The following NFASC variants were observed in gnomAD, a reference collection of about 807,000 sequenced individuals.
NFASC encodes neurofascin, also known as neurofascin homolog.
In NFASC, 43 loss-of-function variants were observed where a neutral mutation model predicts 147.5. That is an observed-to-expected ratio of 0.29 (90% CI 0.23 to 0.38). The LOEUF is 0.38. Among genes scored for constraint, NFASC ranks in the 10% least tolerant of loss-of-function variants. NFASC has a pLI of 1.00. For synonymous variants in NFASC, 622 were observed against 665.5 expected (o/e 0.93, Z 1.01); for missense variants, 1,320 against 1,689.0 (o/e 0.78, Z 3.83).
intron 29 of NFASC, among the ~76,000 whole-genome samples, chr1:205,014,154 A>T (rs2096301724): frequency 1.3e-5 from 2 of 152,166 alleles, no homozygotes; most frequent in Admixed American, 1.3e-4. Flanking sequence ...GGCAGCCTGT[A>T]CTGCGAGGAG....
At chr1:204,834,019 T>C (rs961264039) in intron 1 of NFASC, among the ~76,000 whole-genome samples, 42 of 152,326 alleles carry the variant, frequency 2.8e-4, no homozygotes, top group African/African-American at 1.0e-3. Context: ...GGAATGGAAC[T>C]GAGCCTCGAA....
At chr1:204,974,101 A>T in intron 12 of NFASC, 78 bp from the exon 13 acceptor site, 1 of 1,143,506 alleles carries the variant, frequency 8.7e-7, no homozygotes, top group Non-Finnish European at 1.3e-6. Context: ...AGCAGAAGGC[A>T]TGCAGAGGTG....
rs564501291 is a variant in NFASC, at chr1:204,979,583, G to A, written c.2176+24G>A. ...ACGTGAGTACCCGAGGGCTGCCAGA[G>A]AAGGCTCCGGAACCCCGCACCCCAA... is the stretch of plus-strand genomic sequence containing the variant. On this transcript the variant is annotated intron_variant, in intron 19 of 29. Coordinates refer to ENST00000339876, the MANE Select transcript of NFASC (RefSeq NM_001005388.3). The surrounding 1 kb of genome is among the most constrained non-coding windows in gnomAD (Gnocchi z 6.0). The A allele has an allele frequency of 1.2e-4, 192 of 1,607,286 alleles. No individual in the cohort carries two copies. The highest frequency in any genetic ancestry group is 1.6e-4 in the Non-Finnish European group (190 of 1,174,682).
At chr1:204,941,673 ATTC>A (rs2093371129) in intron 2 of NFASC, among the ~76,000 whole-genome samples, 1 of 152,138 alleles carries the variant, frequency 6.6e-6, no homozygotes. Context: ...GCATTAGTGG[ATTC>A]TTTCTGCGAC....
chr1:204,988,110 G>C (rs895290645), intron 22 of NFASC, among the ~76,000 whole-genome samples: 1 of 152,220 alleles, frequency 6.6e-6, no homozygotes, highest in Non-Finnish European at 1.5e-5. Context: ...AGTAGGTAAC[G>C]TACCTCGTTA....
At chr1:204,927,123 G>A (rs1410780965) in intron 2 of NFASC, among the ~76,000 whole-genome samples, 2 of 152,102 alleles carry the variant, frequency 1.3e-5, no homozygotes, top group Non-Finnish European at 2.9e-5. Flanking sequence ...ATACAATTCA[G>A]TGATTTTTAG....
At chr1:204,977,781 T>C in intron 17 of NFASC, 56 bp downstream of exon 17, 2 of 1,540,150 alleles carry the variant, frequency 1.3e-6, no homozygotes, top group South Asian at 2.3e-5. Context: ...ACCCAGGGTG[T>C]GGAGTCTGGG....
intron 1 of NFASC, among the ~76,000 whole-genome samples, chr1:204,844,616 C>T (rs1304505298): frequency 1.3e-5 from 2 of 152,174 alleles, no homozygotes; most frequent in African/African-American, 2.4e-5. Flanking sequence ...CGCGGTGGCT[C>T]ATGCCTGTAA....
intron 27 of NFASC, among the ~76,000 whole-genome samples, chr1:205,004,121 A>C (rs902348451): frequency 6.6e-6 from 1 of 152,204 alleles, no homozygotes; most frequent in Non-Finnish European, 1.5e-5. Context: ...TGTGCATTTG[A>C]TTTTGCTTCA....
intron 3 of NFASC, chr1:204,945,075 A>G (rs1485669812): frequency 1.3e-5 from 2 of 150,712 alleles, no homozygotes; most frequent in African/African-American, 4.8e-5. Context: ...TTATTTGACC[A>G]TCAGAATCAT....
In NFASC at chr1:205,022,797, G is replaced by A. The variant is rs878858755; in HGVS notation, c.*6258G>A. 1 of 152,576 alleles carries A rather than the reference G, an allele frequency of 6.6e-6. No individual in the cohort carries two copies. The highest frequency in any genetic ancestry group is 1.5e-5 in the Non-Finnish European group (1 of 68,026). 9.5% of individuals were successfully genotyped at this position (152,576 alleles called of 1,614,324 possible). On this transcript the variant is annotated 3_prime_UTR_variant, in exon 30 of 30. Coordinates refer to ENST00000339876, the MANE Select transcript of NFASC (RefSeq NM_001005388.3). Reference sequence around the variant, plus strand: ...TTCTTTTGTATAGAGAACACTAAACGTATAATAAAAGTTGTTCAAAATGGA... The same window carrying A: ...TTCTTTTGTATAGAGAACACTAAACATATAATAAAAGTTGTTCAAAATGGA...
At chr1:204,926,990 G>A (rs926145883) in intron 2 of NFASC, among the ~76,000 whole-genome samples, 4 of 152,072 alleles carry the variant, frequency 2.6e-5, no homozygotes, top group Non-Finnish European at 4.4e-5. Flanking sequence ...CAGGAGAATC[G>A]CTTGAACCCT....
chr1:205,016,263 G>T lies in NFASC; in HGVS notation c.3492-45G>T. 7.2e-7 allele frequency: 1 copy of T among 1,381,134 alleles called. No homozygotes were observed. Among genetic ancestry groups the T allele is most frequent in the Non-Finnish European group, 1.0e-6 (1 of 968,990 alleles). The allele number at this position is 1,381,134 out of a possible 1,614,324, so 85.6% of individuals were successfully genotyped here. ...GGCATGTGCTGGCAGGAGGCCAGCT[G>T]CCCCATCTCACCCCACCTGAGATTC... On this transcript the variant is annotated intron_variant, in intron 29 of 29. Coordinates refer to ENST00000339876, the MANE Select transcript of NFASC (RefSeq NM_001005388.3). The surrounding 1 kb of genome is among the most constrained non-coding windows in gnomAD (Gnocchi z 5.1).
chr1:204,868,904 C>T (rs1035207607), intron 1 of NFASC, among the ~76,000 whole-genome samples: 7 of 152,214 alleles, frequency 4.6e-5, no homozygotes, highest in African/African-American at 1.7e-4. Context: ...CCCTCTGTAC[C>T]TTGCTGATAT....
chr1:204,896,776 C>T (rs6678393), intron 1 of NFASC, among the ~76,000 whole-genome samples: 6,303 of 152,184 alleles, frequency 0.041, 433 homozygotes, highest in African/African-American at 0.14. Flanking sequence ...TAATGGCAGC[C>T]GATGCCATTT....
chr1:204,840,379 A>G (rs1171362286), intron 1 of NFASC, among the ~76,000 whole-genome samples: 1 of 152,212 alleles, frequency 6.6e-6, no homozygotes, highest in East Asian at 1.9e-4. Context: ...CCTTCCAGGT[A>G]ATTCTACTAT....
intron 24 of NFASC, among the ~76,000 whole-genome samples, chr1:204,992,202 G>A (rs1328185434): frequency 6.6e-6 from 1 of 152,170 alleles, no homozygotes; most frequent in Non-Finnish European, 1.5e-5. Flanking sequence ...CATCAGATGG[G>A]AAATGAGAAC....
Position 204,987,549 on chromosome 1 carries a change from T to C in NFASC, c.2593+9T>C. On this transcript the variant is annotated intron_variant, in intron 22 of 29. Transcript: ENST00000339876. This position sits in a 1 kb window ranked among gnomAD's most constrained non-coding sequence, Gnocchi z 4.4. The stretch of plus-strand genomic sequence containing the variant: ...TCTCAAATATGTGGCCTGTACGTTC[T>C]GCCCTTCCCTTTCTCTTAGATAATC... The C allele has an allele frequency of 6.2e-7, 1 of 1,614,070 alleles. No homozygotes were observed. The highest frequency in any genetic ancestry group is 1.3e-5 in the African/African-American group (1 of 75,044).
chr1:204,993,959 G>A (rs556678619), intron 24 of NFASC, among the ~76,000 whole-genome samples: 2 of 152,288 alleles, frequency 1.3e-5, no homozygotes, highest in South Asian at 4.2e-4. Context: ...CCCCCTGACA[G>A]CTCACTGCCT....
Sources: gnomAD v4.1 joint callset for allele counts (sites outside exome capture counted in the v4.1 genomes callset) on GRCh38, gnomAD v4.1.1 for gene constraint, Gnocchi (gnomAD v3.1) non-coding constraint, MANE v1.5 for transcripts, NCBI Gene and HGNC (gene_info 2026-07-23, HGNC 2026-07-21) for gene names.